Variants in EPHA6 observed in about 807,000 individuals in gnomAD.
EPHA6 encodes ephrin type-A receptor 6.
A neutral mutation model predicts 112.0 loss-of-function variants in EPHA6; 50 were observed. The ratio of observed to expected loss-of-function variants is 0.45; its 90% CI spans 0.36 to 0.56. The LOEUF is 0.56. Among genes scored for constraint, EPHA6 ranks in the 20% least tolerant of loss-of-function variants. EPHA6 has a pLI of 0.00. For synonymous variants in EPHA6, 529 were observed against 490.7 expected, an observed-to-expected ratio of 1.08 and a Z score of -1.03; for missense variants, 1,280 against 1,417.4, an observed-to-expected ratio of 0.90 and a Z score of 1.56.
chr3:97,092,678 G>A (rs929057051), intron 3 of EPHA6, among the ~76,000 whole-genome samples: 1 of 151,940 alleles, frequency 6.6e-6, no homozygotes, highest in Admixed American at 6.6e-5. Context: ...AACTTGAAGT[G>A]TGACTCCTTG....
chr3:97,111,140 T>TA lies in EPHA6; in HGVS notation c.1115-115123dup, dbSNP rs563104950. ...CAGCCAGGGATTAAAAGCTCTGACT[T>TA]ACACACCTAAGATGTTTTCATCATG... On this transcript the variant is annotated intron_variant, in intron 3 of 17. Coordinates refer to ENST00000389672, the MANE Select transcript of EPHA6 (RefSeq NM_001080448.3). Among the ~76,000 whole-genome samples the TA allele has an allele frequency of 4.8e-3, 733 of 152,226 alleles. 2 individuals are homozygous for TA. Among genetic ancestry groups the TA allele is most frequent in the African/African-American group, 0.017 (694 of 41,560 alleles).
In EPHA6 at chr3:97,544,128, A is replaced by G. The variant is rs371015589; in HGVS notation, c.2386+11585A>G. Among the ~76,000 whole-genome samples, 18 of 152,190 alleles carry G rather than the reference A, an allele frequency of 1.2e-4. No homozygotes were observed. In the East Asian group the frequency reaches 2.7e-3, roughly 23 times the overall value. On this transcript the variant is annotated intron_variant, in intron 11 of 17. Coordinates refer to ENST00000389672, the MANE Select transcript of EPHA6 (RefSeq NM_001080448.3). The stretch of plus-strand genomic sequence containing the variant: ...TCCTAGCCAGAACTTCCAACACTAT[A>G]TTGAATAGGAGTGGTGAGAGAAGGC...
chr3:97,204,864 A>T (rs913190500), intron 3 of EPHA6, among the ~76,000 whole-genome samples: 4 of 152,142 alleles, frequency 2.6e-5, no homozygotes, highest in Admixed American at 1.3e-4. Context: ...TTGCCTACTA[A>T]TCTTTACAAT....
intron 3 of EPHA6, among the ~76,000 whole-genome samples, chr3:97,178,605 T>G (rs1236859008): frequency 6.6e-6 from 1 of 152,110 alleles, no homozygotes; most frequent in Non-Finnish European, 1.5e-5. Flanking sequence ...TGAAGGATAT[T>G]TTCACCAGAT....
chr3:96,911,652 T>A (rs184878979), intron 2 of EPHA6, among the ~76,000 whole-genome samples: 5 of 152,186 alleles, frequency 3.3e-5, no homozygotes, highest in African/African-American at 1.2e-4. Context: ...CTCATATTAT[T>A]ACTTATAACT....
chr3:97,298,437 G>A (rs1162819453), intron 5 of EPHA6, among the ~76,000 whole-genome samples: 1 of 152,174 alleles, frequency 6.6e-6, no homozygotes, highest in Non-Finnish European at 1.5e-5. Flanking sequence ...TTAGATGCCT[G>A]TTTCTAGGAC....
At chr3:97,708,692 G>A (rs944384766) in intron 14 of EPHA6, among the ~76,000 whole-genome samples, 7 of 152,240 alleles carry the variant, frequency 4.6e-5, no homozygotes, top group African/African-American at 1.7e-4. Context: ...CACAGGCCTG[G>A]AGGCCTAGGA....
intron 3 of EPHA6, among the ~76,000 whole-genome samples, chr3:97,068,252 A>T (rs889645144): frequency 6.6e-6 from 1 of 151,580 alleles, no homozygotes; most frequent in Non-Finnish European, 1.5e-5. Context: ...AAGTATTTTT[A>T]TATGAGCTGA....
intron 3 of EPHA6, among the ~76,000 whole-genome samples, chr3:97,066,307 A>G (rs2108140336): frequency 6.6e-6 from 1 of 152,252 alleles, no homozygotes; most frequent in Admixed American, 6.5e-5. Context: ...TACACAGAAT[A>G]TAATAAAATA....
At chr3:97,596,499 A>G (rs1257213744) in intron 12 of EPHA6, among the ~76,000 whole-genome samples, 1 of 151,914 alleles carries the variant, frequency 6.6e-6, no homozygotes, top group Admixed American at 6.6e-5. Flanking sequence ...AACATATAGA[A>G]ATTTCATGAA....
chr3:97,481,563 C>T, intron 9 of EPHA6: 2 of 662,264 alleles, frequency 3.0e-6, no homozygotes, highest in Non-Finnish European at 5.6e-6. Flanking sequence ...GGGCGCGGCG[C>T]GTCCGGCGCT....
chr3:97,203,892 G>A (rs987927466), intron 3 of EPHA6, among the ~76,000 whole-genome samples: 8 of 152,078 alleles, frequency 5.3e-5, no homozygotes, highest in African/African-American at 1.9e-4. Flanking sequence ...TAGATGATGA[G>A]TTAGTGGGTG....
chr3:97,425,968 T>A (rs551258803), intron 6 of EPHA6, among the ~76,000 whole-genome samples: 4 of 152,284 alleles, frequency 2.6e-5, no homozygotes, highest in African/African-American at 9.6e-5. Context: ...CACTTCAGCC[T>A]GGACTTTATT....
At chr3:97,124,906 C>G (rs2048142128) in intron 3 of EPHA6, among the ~76,000 whole-genome samples, 1 of 152,134 alleles carries the variant, frequency 6.6e-6, no homozygotes, top group African/African-American at 2.4e-5. Flanking sequence ...ATGAGCAGTT[C>G]CAGATCTATC....
chr3:97,524,335 T>G (rs1042826778), intron 10 of EPHA6, among the ~76,000 whole-genome samples: 6 of 152,074 alleles, frequency 3.9e-5, no homozygotes, highest in Non-Finnish European at 8.8e-5. Flanking sequence ...TGAAAATACC[T>G]TAACTACAAT....
intron 6 of EPHA6, among the ~76,000 whole-genome samples, chr3:97,417,063 AC>A (rs929141960): frequency 2.0e-5 from 3 of 152,220 alleles, no homozygotes; most frequent in African/African-American, 7.2e-5. Context: ...AAAATATAAC[AC>A]CATTTCAAAA....
chr3:97,015,044 A>T (rs961843494), intron 3 of EPHA6, among the ~76,000 whole-genome samples: 9 of 152,210 alleles, frequency 5.9e-5, no homozygotes, highest in African/African-American at 2.2e-4. Flanking sequence ...TAAACTGAAA[A>T]TTATTGACAC....
At chr3:97,479,824 G>T (rs1443726109) in intron 9 of EPHA6, among the ~76,000 whole-genome samples, 3 of 152,130 alleles carry the variant, frequency 2.0e-5, no homozygotes, top group Non-Finnish European at 4.4e-5. Flanking sequence ...GAATATGTAT[G>T]AAATCCTTGG....
At chr3:97,277,727 A>G (rs756986034) in intron 5 of EPHA6, among the ~76,000 whole-genome samples, 1 of 152,240 alleles carries the variant, frequency 6.6e-6, no homozygotes, top group Non-Finnish European at 1.5e-5. Context: ...TATAAAGGTT[A>G]TAACATGGTA....
Sources: gnomAD v4.1 joint callset for allele counts (sites outside exome capture counted in the v4.1 genomes callset) on GRCh38, gnomAD v4.1.1 for gene constraint, MANE v1.5 for transcripts, NCBI Gene and HGNC (gene_info 2026-07-23, HGNC 2026-07-21) for gene names.